MFF: variants seen among roughly 807,000 people sequenced by gnomAD.
The protein encoded by MFF is chromosome 2 open reading frame 33.
Under a neutral mutation model 36.9 loss-of-function variants are expected in MFF, and 12 were observed. The observed-to-expected ratio is 0.33, with a 90% CI of 0.21 to 0.53. The LOEUF (loss-of-function observed/expected upper bound fraction) is 0.53. MFF is among the 20% of genes least tolerant of loss of function. MFF has a pLI of 0.95. For missense variants in MFF, 348 were observed against 366.6 expected (o/e 0.95, Z 0.42); for synonymous variants, 99 against 126.2 (o/e 0.78, Z 1.44).
intron 7 of MFF, 105 bp downstream of exon 7, chr2:227,352,678 T>G (rs1378743249): frequency 1.1e-6 from 1 of 929,498 alleles, no homozygotes; most frequent in Non-Finnish European, 1.7e-6. Flanking sequence ...TAGCTGAACT[T>G]GTTTCTACAG....
chr2:227,350,143 C>T (rs1463232100), intron 6 of MFF, among the ~76,000 whole-genome samples: 2 of 152,028 alleles, frequency 1.3e-5, no homozygotes, highest in Non-Finnish European at 2.9e-5. Context: ...ATCCTAGGTA[C>T]ATGTTAGAAA....
chr2:227,342,687 G>C, intron 5 of MFF: 3 of 1,396,908 alleles, frequency 2.1e-6, no homozygotes, highest in Non-Finnish European at 3.0e-6. Context: ...ATCAGATCTA[G>C]CTTTTTCTTT....
At chr2:227,343,373 G>A (rs1313344772) in intron 5 of MFF, among the ~76,000 whole-genome samples, 2 of 152,072 alleles carry the variant, frequency 1.3e-5, no homozygotes, top group Non-Finnish European at 2.9e-5. Context: ...GGAGCACAAC[G>A]TTTTGGTATA....
chr2:227,340,207 T>A, intron 4 of MFF, 85 bp from the exon 5 acceptor site: 1 of 1,101,684 alleles, frequency 9.1e-7, no homozygotes, highest in Non-Finnish European at 1.3e-6. Context: ...TTGAGTAGCC[T>A]TGTATCGAGG....
chr2:227,326,010 T>A (rs978806804), intron 1 of MFF, among the ~76,000 whole-genome samples: 2 of 152,150 alleles, frequency 1.3e-5, no homozygotes, highest in Non-Finnish European at 2.9e-5. Context: ...TGCAGGCAGT[T>A]GCTCTCGGGT....
chr2:227,342,764 GC>G, intron 5 of MFF: 1 of 1,613,432 alleles, frequency 6.2e-7, no homozygotes, highest in African/African-American at 1.3e-5. Flanking sequence ...ATCAGATTCT[GC>G]CCCAAGAAAT....
At chr2:227,331,594 T>G (rs968412125) in intron 3 of MFF, among the ~76,000 whole-genome samples, 8 of 152,248 alleles carry the variant, frequency 5.3e-5, no homozygotes, top group Non-Finnish European at 1.2e-4. Flanking sequence ...TCCAAATTCT[T>G]GTACTATGTT....
intron 6 of MFF, among the ~76,000 whole-genome samples, chr2:227,348,191 T>C (rs981888314): frequency 1.3e-5 from 2 of 152,200 alleles, no homozygotes; most frequent in Non-Finnish European, 2.9e-5. Context: ...TTTTTGCATT[T>C]TGAAGAATTT....
In MFF at chr2:227,332,550, G is replaced by C. The variant is rs1368155171; in HGVS notation, c.313G>C (p.Asp105His). The change falls in exon 4 of 9, where the codon GAT becomes CAT. Residue 105 changes from aspartate (D) to histidine (H), a missense_variant. By Grantham distance (81) the Asp-to-His change is moderately conservative. Transcript: ENST00000304593. ...GAGTGAAAGACCACTAGATTTTCTG[G>C]ATTTAGAAAGACCTCCTACAACCCC... ...TLSERPLDFL[D>H]LERPPTTPQN... The C allele has an allele frequency of 6.2e-7, 1 of 1,613,202 alleles. No individual in the cohort carries two copies. Among genetic ancestry groups the C allele is most frequent in the African/African-American group, 1.3e-5 (1 of 75,010 alleles).
chr2:227,327,089 A>G (rs1340619935), intron 1 of MFF, among the ~76,000 whole-genome samples: 1 of 152,098 alleles, frequency 6.6e-6, no homozygotes, highest in African/African-American at 2.4e-5. Context: ...GTGATACAAA[A>G]TTTTCTTTTA....
intron 5 of MFF, chr2:227,346,110 A>G (rs2075696997): frequency 6.1e-6 from 1 of 163,730 alleles, no homozygotes; most frequent in Non-Finnish European, 1.5e-5. Flanking sequence ...GTCAAAAATT[A>G]TCCCACTTAT....
chr2:227,326,890 G>T (rs2074191216), intron 1 of MFF, among the ~76,000 whole-genome samples: 1 of 152,120 alleles, frequency 6.6e-6, no homozygotes, highest in African/African-American at 2.4e-5. Context: ...GACTTCCGAG[G>T]CTTTCTGGGT....
At chr2:227,343,152 T>TG (rs965721596) in intron 5 of MFF, among the ~76,000 whole-genome samples, 12 of 151,710 alleles carry the variant, frequency 7.9e-5, no homozygotes, top group African/African-American at 2.7e-4. Context: ...CAACGTCACC[T>TG]GGTGCAGTGA....
intron 4 of MFF, among the ~76,000 whole-genome samples, chr2:227,337,556 G>T (rs1402224956): frequency 1.3e-5 from 2 of 152,132 alleles, no homozygotes; most frequent in Non-Finnish European, 2.9e-5. Context: ...ATTTAACTTG[G>T]GGTGTAAGCA....
intron 3 of MFF, among the ~76,000 whole-genome samples, chr2:227,331,622 A>G (rs1336823903): frequency 2.0e-5 from 3 of 152,246 alleles, no homozygotes; most frequent in Non-Finnish European, 4.4e-5. Flanking sequence ...ATCAGTGATG[A>G]ATAAGTTACA....
chr2:227,326,257 G>A (rs1445940302), intron 1 of MFF, among the ~76,000 whole-genome samples: 3 of 149,666 alleles, frequency 2.0e-5, no homozygotes, highest in Non-Finnish European at 4.4e-5. Context: ...TGGCCCTTCT[G>A]CCCAAATATA....
At chr2:227,331,597 A>C (rs1183224513) in intron 3 of MFF, among the ~76,000 whole-genome samples, 1 of 152,212 alleles carries the variant, frequency 6.6e-6, no homozygotes, top group Admixed American at 6.5e-5. Flanking sequence ...AAATTCTTGT[A>C]CTATGTTGCA....
At chr2:227,339,836 C>G (rs1324342962) in intron 4 of MFF, among the ~76,000 whole-genome samples, 1 of 152,192 alleles carries the variant, frequency 6.6e-6, no homozygotes, top group Non-Finnish European at 1.5e-5. Context: ...CATTTTTAGT[C>G]TAGTTTTCAA....
At chr2:227,348,069 C>G (rs1215162921) in intron 6 of MFF, among the ~76,000 whole-genome samples, 2 of 151,916 alleles carry the variant, frequency 1.3e-5, no homozygotes, top group Non-Finnish European at 2.9e-5. Flanking sequence ...ATTCAGGGAG[C>G]TTTTTTGGCA....
Sources: allele counts gnomAD v4.1 joint callset (sites outside exome capture counted in the v4.1 genomes callset), GRCh38; gene constraint gnomAD v4.1.1; transcripts MANE v1.5; gene names NCBI Gene and HGNC (gene_info 2026-07-23, HGNC 2026-07-21).